ATRNL1: variants seen among roughly 807,000 people sequenced by gnomAD.
The protein encoded by ATRNL1 is attractin like 1, also known as attractin-like protein 1.
A neutral mutation model predicts 182.7 loss-of-function variants in ATRNL1; 95 were observed. That is an observed-to-expected ratio of 0.52 (90% confidence interval 0.44 to 0.62). ATRNL1 has a LOEUF of 0.62. Among genes scored for constraint, ATRNL1 ranks in the 20% least tolerant of loss-of-function variants. The probability of loss-of-function intolerance (pLI) is 0.00; values close to 1 mark genes in which losing one functional copy is unlikely to be tolerated. For missense variants in ATRNL1, 1,471 were observed against 1,679.5 expected, an observed-to-expected ratio of 0.88 and a Z score of 2.17; for synonymous variants, 576 against 568.3, an observed-to-expected ratio of 1.01 and a Z score of -0.19.
chr10:115,736,184 A>C (rs1024561050), intron 27 of ATRNL1, among the ~76,000 whole-genome samples: 1 of 151,970 alleles, frequency 6.6e-6, no homozygotes, highest in East Asian at 1.9e-4. Context: ...CATCTTCACA[A>C]TCTCTTAGTC....
chr10:115,730,800 T>A (rs974474763), intron 27 of ATRNL1, among the ~76,000 whole-genome samples: 17 of 152,110 alleles, frequency 1.1e-4, no homozygotes, highest in African/African-American at 4.1e-4. Context: ...TGTGTATATG[T>A]ATATATTCTA....
chr10:115,458,840 A>G (rs560211183), intron 21 of ATRNL1, among the ~76,000 whole-genome samples: 3 of 151,896 alleles, frequency 2.0e-5, no homozygotes, highest in African/African-American at 4.8e-5. Context: ...CCTTCGTGAT[A>G]TTTTTTTCTT....
At chr10:115,711,612 G>A (rs1251373247) in intron 26 of ATRNL1, among the ~76,000 whole-genome samples, 1 of 152,122 alleles carries the variant, frequency 6.6e-6, no homozygotes, top group Non-Finnish European at 1.5e-5. Flanking sequence ...GGCAGGAGGC[G>A]AATTCTAATG....
At chr10:115,423,672 G>A (rs1554962341) in intron 20 of ATRNL1, among the ~76,000 whole-genome samples, 2 of 152,064 alleles carry the variant, frequency 1.3e-5, no homozygotes, top group East Asian at 1.9e-4. Flanking sequence ...AAGAATACAC[G>A]TTAGGGAGAT....
chr10:115,605,414 T>G (rs1856819658), intron 26 of ATRNL1, among the ~76,000 whole-genome samples: 1 of 152,120 alleles, frequency 6.6e-6, no homozygotes, highest in East Asian at 1.9e-4. Context: ...TAATAGAAAT[T>G]TCTGTAACTA....
intron 7 of ATRNL1, among the ~76,000 whole-genome samples, chr10:115,168,296 T>A (rs1241408833): frequency 6.6e-6 from 1 of 152,128 alleles, no homozygotes; most frequent in African/African-American, 2.4e-5. Context: ...CATTGCTGTT[T>A]AAGATTTTGT....
At chr10:115,924,557 G>A (rs1277346819) in intron 28 of ATRNL1, among the ~76,000 whole-genome samples, 7 of 152,126 alleles carry the variant, frequency 4.6e-5, no homozygotes. Context: ...TCAGATGGTT[G>A]TAGATGTGTG....
chr10:115,342,708 T>C (rs191663456), intron 19 of ATRNL1, among the ~76,000 whole-genome samples: 1 of 152,284 alleles, frequency 6.6e-6, no homozygotes, highest in East Asian at 1.9e-4. Context: ...GGTGATTACT[T>C]ATTGCTGATT....
At chr10:115,121,088 A>T (rs146460658) in intron 2 of ATRNL1, among the ~76,000 whole-genome samples, 1 of 152,032 alleles carries the variant, frequency 6.6e-6, no homozygotes, top group African/African-American at 2.4e-5. Context: ...TATACAGTCT[A>T]TGTAACCTCT....
intron 10 of ATRNL1, among the ~76,000 whole-genome samples, chr10:115,246,383 G>A (rs2133830899): frequency 6.6e-6 from 1 of 152,260 alleles, no homozygotes; most frequent in South Asian, 2.1e-4. Context: ...TGTTAGTGTA[G>A]TGAGACATTC....
At position 115,266,793 on chromosome 10, in the gene ATRNL1, AT is replaced by A; in HGVS notation, c.1773-3del. The stretch of plus-strand genomic sequence containing the variant: ...CTTTAAGATTCTTGTTTTGTTTTTA[AT>A]AGGTCCATGTATATATTTGGGGGAT... On this transcript the variant is annotated splice_region_variant and splice_polypyrimidine_tract_variant and intron_variant, in intron 11 of 28. Coordinates refer to ENST00000355044, the MANE Select transcript of ATRNL1 (RefSeq NM_207303.4). The A allele has an allele frequency of 6.5e-7, 1 of 1,544,664 alleles. No individual in the cohort carries two copies. The highest frequency in any genetic ancestry group is 8.8e-7 in the Non-Finnish European group (1 of 1,137,156).
intron 26 of ATRNL1, among the ~76,000 whole-genome samples, chr10:115,694,165 C>T (rs1555049033): frequency 3.4e-5 from 2 of 59,458 alleles, no homozygotes; most frequent in East Asian, 1.2e-3. Context: ...CCACAGTCTA[C>T]ACAGACGCAC....
chr10:115,861,828 G>A (rs1555103533), intron 28 of ATRNL1, among the ~76,000 whole-genome samples: 2 of 152,036 alleles, frequency 1.3e-5, no homozygotes, highest in Non-Finnish European at 2.9e-5. Context: ...ATGAGGCCAG[G>A]AGCAGTAGCT....
At chr10:115,466,157 G>A (rs1848043709) in intron 22 of ATRNL1, among the ~76,000 whole-genome samples, 1 of 151,274 alleles carries the variant, frequency 6.6e-6, no homozygotes. Context: ...TCAGAAAAGG[G>A]GAATTTAGTT....
At chr10:115,852,862 A>T (rs1479618667) in intron 28 of ATRNL1, among the ~76,000 whole-genome samples, 1 of 152,178 alleles carries the variant, frequency 6.6e-6, no homozygotes, top group Non-Finnish European at 1.5e-5. Flanking sequence ...GCCGTGGCGC[A>T]TCTGCTCATG....
At chr10:115,721,307 C>T (rs1947416239) in intron 26 of ATRNL1, among the ~76,000 whole-genome samples, 2 of 152,146 alleles carry the variant, frequency 1.3e-5, no homozygotes, top group South Asian at 4.1e-4. Context: ...AACGTATTTA[C>T]TTTGATACGC....
chr10:115,780,755 G>C (rs1244294515), intron 27 of ATRNL1, among the ~76,000 whole-genome samples: 3 of 152,150 alleles, frequency 2.0e-5, no homozygotes, highest in African/African-American at 7.2e-5. Context: ...GGCCAGGCAA[G>C]ATTCATCACC....
At chr10:115,922,357 G>T (rs760752350) in intron 28 of ATRNL1, among the ~76,000 whole-genome samples, 51 of 152,050 alleles carry the variant, frequency 3.4e-4, no homozygotes, top group Non-Finnish European at 6.0e-4. Flanking sequence ...GAGTAACCCA[G>T]AAAAATTAAA....
At chr10:115,942,538 T>C (rs921416908) in intron 28 of ATRNL1, among the ~76,000 whole-genome samples, 10 of 152,352 alleles carry the variant, frequency 6.6e-5, no homozygotes, top group Non-Finnish European at 1.2e-4. Flanking sequence ...CACATCCCTT[T>C]ACTGTCATTT....
Sources: allele counts gnomAD v4.1 joint callset (sites outside exome capture counted in the v4.1 genomes callset), GRCh38; gene constraint gnomAD v4.1.1; transcripts MANE v1.5; gene names NCBI Gene and HGNC (gene_info 2026-07-23, HGNC 2026-07-21).